Variants in GNAI1 observed in about 807,000 individuals in gnomAD.
GNAI1 encodes G protein subunit alpha i1.
Under a neutral mutation model 38.9 loss-of-function variants are expected in GNAI1, and 11 were observed. That is an observed-to-expected ratio of 0.28 (90% CI 0.18 to 0.47). The LOEUF is 0.47. GNAI1 is among the 20% of genes least tolerant of loss of function. The pLI, the probability that GNAI1 is intolerant of heterozygous loss-of-function variation, is 0.99. For synonymous variants in GNAI1, 166 were observed against 145.1 expected (o/e 1.14, Z -1.04); for missense variants, 317 against 436.9 (o/e 0.73, Z 2.45).
rs754345000 is a variant in GNAI1, at chr7:80,219,213, G to T, written c.*1720G>T. On this transcript the variant is annotated 3_prime_UTR_variant, in exon 8 of 8. Coordinates refer to ENST00000649796, the MANE Select transcript of GNAI1 (RefSeq NM_002069.6). ...TATGTTTTCATTAATTTTACTGGTG[G>T]ACCTGTAATATCCACATTGTGAAGC... is the stretch of plus-strand genomic sequence containing the variant. 1 of 152,376 alleles carries T rather than the reference G, an allele frequency of 6.6e-6. No individual in the cohort carries two copies. Among genetic ancestry groups the T allele is most frequent in the East Asian group, 1.9e-4 (1 of 5,184 alleles). The allele number at this position is 152,376 out of a possible 1,614,324, so 9.4% of individuals were successfully genotyped here.
chr7:80,165,802 G>A (rs1277645412), intron 1 of GNAI1, among the ~76,000 whole-genome samples: 1 of 151,938 alleles, frequency 6.6e-6, no homozygotes, highest in Non-Finnish European at 1.5e-5. Context: ...TTTCTGATTT[G>A]GAAATAAATC....
At chr7:80,188,928 C>G (rs757171743) in intron 1 of GNAI1, 23 bp from the exon 2 acceptor site, 1 of 1,524,974 alleles carries the variant, frequency 6.6e-7, no homozygotes, top group East Asian at 2.3e-5. Context: ...AAATTAGAAA[C>G]CTTTTATGTT....
At chr7:80,139,801 A>G (rs1172799091) in intron 1 of GNAI1, among the ~76,000 whole-genome samples, 1 of 152,130 alleles carries the variant, frequency 6.6e-6, no homozygotes, top group Non-Finnish European at 1.5e-5. Flanking sequence ...CATATTTATA[A>G]GAGCTTTTCA....
At chr7:80,137,293 C>CTTTTTTTTTTTTTTTTTTTTTTTTTTTT in intron 1 of GNAI1, among the ~76,000 whole-genome samples, 1 of 95,262 alleles carries the variant, frequency 1.0e-5, no homozygotes, top group African/African-American at 4.1e-5. Flanking sequence ...TTTCTTTTTT[C>CTTTTTTTTTTTTTTTTTTTTTTTTTTTT]TTTTTTTTTT....
chr7:80,174,784 G>C (rs1788153645), intron 1 of GNAI1, among the ~76,000 whole-genome samples: 2 of 152,120 alleles, frequency 1.3e-5, no homozygotes, highest in African/African-American at 4.8e-5. Flanking sequence ...TTTCTCCCAT[G>C]TCACAAATAT....
chr7:80,193,054 C>G (rs893869785), intron 3 of GNAI1, among the ~76,000 whole-genome samples: 23 of 151,382 alleles, frequency 1.5e-4, no homozygotes, highest in Admixed American at 2.6e-4. Flanking sequence ...TACTGTCATT[C>G]TACTGAGAGT....
chr7:80,222,417 C>G lies in GNAI1; in HGVS notation c.*4924C>G, dbSNP rs942676322. Among the ~76,000 whole-genome samples the G allele has an allele frequency of 8.3e-6, 1 of 121,062 alleles. No homozygotes were observed. The highest frequency in any genetic ancestry group is 1.7e-5 in the Non-Finnish European group (1 of 59,568). The allele number at this position is 121,062 out of a possible 152,430, so 79.4% of individuals were successfully genotyped here. The stretch of plus-strand genomic sequence containing the variant: ...TTTTTTTTTTCCTGAGACAGAGTTT[C>G]GTTCTTGTTTCCCAGGCTGGAGCGC... On this transcript the variant is annotated 3_prime_UTR_variant, in exon 8 of 8. Coordinates refer to ENST00000649796, the MANE Select transcript of GNAI1 (RefSeq NM_002069.6).
Position 80,182,000 on chromosome 7 carries a change from C to T in GNAI1, c.119-6951C>T, listed in dbSNP as rs112468222. On this transcript the variant is annotated intron_variant, in intron 1 of 7. Transcript: ENST00000649796. ...TACAACTTATTCATCGTAACTAAAA[C>T]TTGGTACCCTTTGACCCACATCTCC... 8.0e-3 allele frequency among the ~76,000 whole-genome samples: 1,218 copies of T among 152,200 alleles called. 15 individuals carry two copies. Among genetic ancestry groups the T allele is most frequent in the Non-Finnish European group, 0.014 (959 of 67,996 alleles).
intron 1 of GNAI1, among the ~76,000 whole-genome samples, chr7:80,148,923 T>C (rs1199465962): frequency 6.6e-6 from 1 of 152,246 alleles, no homozygotes; most frequent in Non-Finnish European, 1.5e-5. Context: ...GAGACTGATA[T>C]GTGGTATTAC....
intron 1 of GNAI1, among the ~76,000 whole-genome samples, chr7:80,141,942 C>T (rs1787533781): frequency 6.6e-6 from 1 of 152,152 alleles, no homozygotes; most frequent in African/African-American, 2.4e-5. Flanking sequence ...CACCTTTCTT[C>T]CCATCCAAGT....
In GNAI1 at chr7:80,224,268, C is replaced by T. The variant is rs776063517; in HGVS notation, c.*6775C>T. Among the ~76,000 whole-genome samples, 4 of 152,096 alleles carry T rather than the reference C, an allele frequency of 2.6e-5. No homozygotes were observed. Among genetic ancestry groups the T allele is most frequent in the Non-Finnish European group, 5.9e-5 (4 of 68,022 alleles). ...CTCTCATTTAGTCATCAGAGCAGTC[C>T]TGCAATATTGGTAAAATTTCCATTT... is the stretch of plus-strand genomic sequence containing the variant. On this transcript the variant is annotated 3_prime_UTR_variant, in exon 8 of 8. Coordinates refer to ENST00000649796, the MANE Select transcript of GNAI1 (RefSeq NM_002069.6).
chr7:80,175,302 T>G (rs1361864846), intron 1 of GNAI1, among the ~76,000 whole-genome samples: 2 of 152,164 alleles, frequency 1.3e-5, no homozygotes, highest in Admixed American at 6.5e-5. Flanking sequence ...ACTGAAATCC[T>G]TTTCTGAGGA....
rs1277928415 is a variant in GNAI1 at position 80,221,864 on chromosome 7, T to A, written c.*4371T>A. The stretch of plus-strand genomic sequence containing the variant: ...ACCATGTTGGCCAGGATGGTCTTGA[T>A]CACCTGACCTTGTGATCTGACCGCC... On this transcript the variant is annotated 3_prime_UTR_variant, in exon 8 of 8. Transcript: ENST00000649796. Among the ~76,000 whole-genome samples, 1 of 152,048 alleles carries A rather than the reference T, an allele frequency of 6.6e-6. No individual in the cohort carries two copies. The highest frequency in any genetic ancestry group is 6.6e-5 in the Admixed American group (1 of 15,246).
At chr7:80,199,182 G>T in intron 3 of GNAI1, 43 bp from the exon 4 acceptor site, 1 of 1,395,400 alleles carries the variant, frequency 7.2e-7, no homozygotes, top group South Asian at 1.5e-5. Context: ...TTTTATCTCT[G>T]ACGTATCCCT....
rs1789144852 is a variant in GNAI1, at chr7:80,225,508, T to C, written c.*8015T>C. On this transcript the variant is annotated 3_prime_UTR_variant, in exon 8 of 8. Transcript: ENST00000649796. ...TTCAATTCCCCTAGCCAAATTCCTT[T>C]CTTTCTCCACACCTCCCACAGGACT... Among the ~76,000 whole-genome samples the C allele has an allele frequency of 6.6e-6, 1 of 152,116 alleles. No individual in the cohort carries two copies. The highest frequency in any genetic ancestry group is 2.4e-5 in the African/African-American group (1 of 41,428).
At chr7:80,206,464 C>T (rs1038680099) in intron 5 of GNAI1, among the ~76,000 whole-genome samples, 7 of 152,058 alleles carry the variant, frequency 4.6e-5, no homozygotes, top group African/African-American at 1.7e-4. Flanking sequence ...TAAACAAACT[C>T]AGTACTCTGA....
At chr7:80,159,319 T>G (rs1787877115) in intron 1 of GNAI1, among the ~76,000 whole-genome samples, 1 of 152,210 alleles carries the variant, frequency 6.6e-6, no homozygotes, top group South Asian at 2.1e-4. Flanking sequence ...AGGCTTGTAC[T>G]TTGTTTTTAA....
intron 4 of GNAI1, among the ~76,000 whole-genome samples, chr7:80,203,312 A>G (rs1185175048): frequency 2.0e-5 from 3 of 152,198 alleles, no homozygotes; most frequent in Non-Finnish European, 2.9e-5. Context: ...TTCAGTAAAA[A>G]AAGAATGATG....
intron 1 of GNAI1, among the ~76,000 whole-genome samples, chr7:80,174,411 A>G (rs1788147071): frequency 2.0e-5 from 3 of 149,286 alleles, no homozygotes; most frequent in Non-Finnish European, 3.0e-5. Flanking sequence ...AATACACTAT[A>G]TATGCTTATT....
Sources: allele counts gnomAD v4.1 joint callset (sites outside exome capture counted in the v4.1 genomes callset), GRCh38; gene constraint gnomAD v4.1.1; transcripts MANE v1.5; gene names NCBI Gene and HGNC (gene_info 2026-07-23, HGNC 2026-07-21).